Variants in PLEKHG5 observed in about 807,000 individuals in gnomAD.
PLEKHG5 encodes pleckstrin homology and RhoGEF domain containing G5, also known as pleckstrin homology domain-containing family G member 5.
PLEKHG5 carries 52 observed loss-of-function variants against 103.8 expected under a neutral mutation model. The ratio of observed to expected loss-of-function variants is 0.50; its 90% CI spans 0.40 to 0.63. PLEKHG5 has a LOEUF of 0.63. Ranked by LOEUF, PLEKHG5 falls within the 30% of genes least tolerant of loss-of-function variation. The pLI is 0.00. For missense variants in PLEKHG5, 1,205 were observed against 1,347.6 expected (o/e 0.89, Z 1.66); for synonymous variants, 592 against 575.5 (o/e 1.03, Z -0.41).
At chr1:6,498,247 G>T (rs1645255748), upstream of PLEKHG5, among the ~76,000 whole-genome samples, 1 of 152,168 alleles carries the variant, frequency 6.6e-6, no homozygotes, top group Non-Finnish European at 1.5e-5. Flanking sequence ...TATAGAAGAT[G>T]CAGCTTCCAG....
At chr1:6,493,418 T>TAAG (rs994782939), upstream of PLEKHG5, among the ~76,000 whole-genome samples, 1 of 152,098 alleles carries the variant, frequency 6.6e-6, no homozygotes, top group African/African-American at 2.4e-5. Flanking sequence ...TCCTGGAGAG[T>TAAG]AAGAATAGGG....
intron 1 of PLEKHG5, among the ~76,000 whole-genome samples, chr1:6,508,406 A>G (rs1327343027): frequency 6.6e-6 from 1 of 151,716 alleles, no homozygotes; most frequent in Non-Finnish European, 1.5e-5. Flanking sequence ...TCTGTCTCCC[A>G]CGCTCCTTCC....
chr1:6,501,338 C>T (rs2148630864), upstream of PLEKHG5, among the ~76,000 whole-genome samples: 1 of 152,326 alleles, frequency 6.6e-6, no homozygotes, highest in African/African-American at 2.4e-5. The surrounding 1 kb of genome is among the most constrained non-coding windows in gnomAD (Gnocchi z 4.3). Context: ...CTGTCTGCTG[C>T]CATCCTGCCC....
intron 1 of PLEKHG5, among the ~76,000 whole-genome samples, chr1:6,516,848 ATG>A (rs1400533006): frequency 8.1e-6 from 1 of 123,470 alleles, no homozygotes; most frequent in Non-Finnish European, 1.6e-5. Context: ...GTATATATAT[ATG>A]TGTGTGTATA....
At chr1:6,514,134 C>A (rs1429946985) in intron 1 of PLEKHG5, among the ~76,000 whole-genome samples, 1 of 152,118 alleles carries the variant, frequency 6.6e-6, no homozygotes, top group Admixed American at 6.6e-5. Context: ...CCAGACTGGA[C>A]AACATGGCTG....
chr1:6,503,125 C>T (rs556124077), intron 1 of PLEKHG5, among the ~76,000 whole-genome samples: 2 of 152,286 alleles, frequency 1.3e-5, no homozygotes, highest in South Asian at 2.1e-4. Flanking sequence ...TTTTAAAGAG[C>T]TTTGAGGCTG....
intron 1 of PLEKHG5, among the ~76,000 whole-genome samples, chr1:6,481,873 A>AAG (rs1644911640): frequency 6.6e-6 from 1 of 151,510 alleles, no homozygotes; most frequent in East Asian, 1.9e-4. Flanking sequence ...AAAAAAAAAA[A>AAG]AAAGCCAAAA....
intron 4 of PLEKHG5, 95 bp downstream of exon 4, chr1:6,475,367 G>T: frequency 9.0e-7 from 1 of 1,107,456 alleles, no homozygotes; most frequent in South Asian, 1.2e-5. Context: ...CTGGGATGCA[G>T]ACCTCCCCAC....
intron 1 of PLEKHG5, among the ~76,000 whole-genome samples, chr1:6,504,359 C>T (rs1028927239): frequency 6.6e-6 from 1 of 152,124 alleles, no homozygotes; most frequent in Non-Finnish European, 1.5e-5. Context: ...CCGCCCCTCT[C>T]ATGTCCTGCC....
chr1:6,499,936 A>G (rs981556118), upstream of PLEKHG5, among the ~76,000 whole-genome samples: 1 of 152,078 alleles, frequency 6.6e-6, no homozygotes, highest in African/African-American at 2.4e-5. Flanking sequence ...AGTAGCTGGG[A>G]CCACCGGTGC....
upstream of PLEKHG5, among the ~76,000 whole-genome samples, chr1:6,501,632 G>A (rs1645297796): frequency 6.6e-6 from 1 of 152,198 alleles, no homozygotes; most frequent in African/African-American, 2.4e-5. This position sits in a 1 kb window ranked among gnomAD's most constrained non-coding sequence, Gnocchi z 4.3. Flanking sequence ...TACAGATGAG[G>A]AAACTGAGGC....
At chr1:6,504,170 G>C (rs948209159) in intron 1 of PLEKHG5, among the ~76,000 whole-genome samples, 1 of 152,166 alleles carries the variant, frequency 6.6e-6, no homozygotes, top group Non-Finnish European at 1.5e-5. Context: ...GAAGCTGCCG[G>C]GTGAAGAAAT....
At chr1:6,472,920 T>G in intron 9 of PLEKHG5, 66 bp downstream of exon 9, 3 of 1,478,536 alleles carry the variant, frequency 2.0e-6, no homozygotes, top group Non-Finnish European at 2.8e-6. Context: ...ATCTGATCAC[T>G]GGGTCCTCCC....
At chr1:6,504,694 G>A (rs371903098) in intron 1 of PLEKHG5, among the ~76,000 whole-genome samples, 33 of 151,568 alleles carry the variant, frequency 2.2e-4, no homozygotes, top group African/African-American at 7.0e-4. Context: ...CTCAGCCTCC[G>A]GAGTAACTGG....
At position 6,501,948 on chromosome 1, in the gene PLEKHG5, C is replaced by T. The variant is rs1645300952; in HGVS notation, c.-164-5379G>A. Among the ~76,000 whole-genome samples, 1 of 152,256 alleles carries T rather than the reference C, an allele frequency of 6.6e-6. No individual in the cohort carries two copies. The highest frequency in any genetic ancestry group is 1.5e-5 in the Non-Finnish European group (1 of 68,048). Reference sequence around the variant, plus strand: ...CCCTTCTGTCTCAAGAAAACAGGCCCTCCCTGCCCACGACCTCCCAACCAC... The same window carrying T: ...CCCTTCTGTCTCAAGAAAACAGGCCTTCCCTGCCCACGACCTCCCAACCAC... On this transcript the variant is annotated intron_variant, in intron 1 of 21. Transcript: ENST00000377740. This position sits in a 1 kb window ranked among gnomAD's most constrained non-coding sequence, Gnocchi z 4.3.
Position 6,476,006 on chromosome 1 carries a change from C to T in PLEKHG5, c.74G>A (p.Arg25Gln), listed in dbSNP as rs1201574261. The change falls in exon 3 of 21, where the codon CGG becomes CAG. Residue 25 changes from arginine to glutamine, a missense_variant. Physicochemically the swap from Arg to Gln is conservative, Grantham distance 43. Coordinates refer to ENST00000377728, the MANE Select transcript of PLEKHG5 (RefSeq NM_020631.6). Reference protein sequence around the residue: ...GSVLARNVSTRSCPPRTSPAV... With the variant: ...GSVLARNVSTQSCPPRTSPAV... ...GGGGCTGGTGCGCGGCGGGCATGAC[C>T]GGGTGGACACGTTCCGGGCCAGCAC... 13 of 1,613,604 alleles carry T rather than the reference C, an allele frequency of 8.1e-6. No individual in the cohort carries two copies. The highest frequency in any genetic ancestry group is 1.1e-5 in the Non-Finnish European group (13 of 1,180,014).
In PLEKHG5 at chr1:6,474,457, C is replaced by T. The variant is rs1233457763; in HGVS notation, c.433G>A (p.Val145Ile). The change falls in exon 6 of 21, where the codon GTC (valine) becomes ATC (isoleucine). Residue 145 changes from valine (V) to isoleucine (I), a missense_variant. Physicochemically the swap from Val to Ile is conservative, Grantham distance 29 (BLOSUM62 3). Coordinates refer to ENST00000377728, the MANE Select transcript of PLEKHG5 (RefSeq NM_020631.6). The stretch of plus-strand genomic sequence containing the variant: ...GGCCCAGGCTGCTTCTCACCTTTGA[C>T]ACGAAGGTAGTGTCCCCCGAACCTG... ...AYRFGGHYLR[V>I]KAPAKPGDEG... The T allele has an allele frequency of 6.2e-7, 1 of 1,613,742 alleles. No individual in the cohort carries two copies. The highest frequency in any genetic ancestry group is 8.5e-7 in the Non-Finnish European group (1 of 1,180,022).
chr1:6,472,968 A>T lies in PLEKHG5; in HGVS notation c.984+18T>A. On this transcript the variant is annotated intron_variant, in intron 9 of 20. Transcript: ENST00000377728. Reference sequence around the variant, plus strand: ...CCTTTCGGGACAAGGAGGGAGCAGCACTGTGGCCCGCACTCACCTCATGCC... The same window carrying T: ...CCTTTCGGGACAAGGAGGGAGCAGCTCTGTGGCCCGCACTCACCTCATGCC... 3 of 1,611,564 alleles carry T rather than the reference A, an allele frequency of 1.9e-6. No homozygotes were observed. The highest frequency in any genetic ancestry group is 2.5e-6 in the Non-Finnish European group (3 of 1,177,810).
chr1:6,473,302 A>G lies in PLEKHG5; in HGVS notation c.744T>C (p.Ser248=). Residue 248 remains serine, a synonymous_variant, in exon 8 of 21, where the codon AGT becomes AGC. Transcript: ENST00000377728. ...CGGAGCTGAAAAAGCCGCTGAAGCG[A>G]CTGGCCGCCCGGTTCTTCCAGCTGT... ...TGDSWKNRAA[S]RFSGFFSSGP... 6.3e-7 allele frequency: 1 copy of G among 1,585,846 alleles called. No individual in the cohort carries two copies. The highest frequency in any genetic ancestry group is 2.3e-5 in the East Asian group (1 of 43,210).
Sources: allele counts gnomAD v4.1 joint callset (sites outside exome capture counted in the v4.1 genomes callset), GRCh38; gene constraint gnomAD v4.1.1; non-coding constraint Gnocchi (gnomAD v3.1); transcripts MANE v1.5; gene names NCBI Gene and HGNC (gene_info 2026-07-23, HGNC 2026-07-21).